TRDN: variants seen among roughly 807,000 people sequenced by gnomAD.
TRDN encodes triadin in skeletal muscle.
TRDN carries 161 observed loss-of-function variants against 149.7 expected under a neutral mutation model. That is an observed-to-expected ratio of 1.08 (90% CI 0.95 to 1.23). The LOEUF (loss-of-function observed/expected upper bound fraction) is 1.23, where lower values mean the gene tolerates loss of function less well. TRDN is among the 50% of genes most tolerant of loss of function. The probability of loss-of-function intolerance (pLI) is 0.00; values close to 1 mark genes in which losing one functional copy is unlikely to be tolerated. For missense variants in TRDN, 896 were observed against 823.5 expected, an observed-to-expected ratio of 1.09 and a Z score of -1.08; for synonymous variants, 294 against 250.5, an observed-to-expected ratio of 1.17 and a Z score of -1.64.
intron 12 of TRDN, among the ~76,000 whole-genome samples, chr6:123,420,458 G>A (rs531884516): frequency 3.3e-4 from 50 of 152,188 alleles, no homozygotes; most frequent in African/African-American, 1.1e-3. Context: ...TTTGAATTCA[G>A]TGAAGGTCAG....
intron 2 of TRDN, among the ~76,000 whole-genome samples, chr6:123,557,418 G>A (rs1201343331): frequency 6.6e-6 from 1 of 152,076 alleles, no homozygotes; most frequent in African/African-American, 2.4e-5. Flanking sequence ...CGGGTAAGCA[G>A]CCTCTTTCTA....
chr6:123,375,678 C>T, intron 18 of TRDN, 47 bp from the exon 19 acceptor site: 2 of 1,372,414 alleles, frequency 1.5e-6, no homozygotes, highest in South Asian at 2.8e-5. Context: ...TACAAATCTG[C>T]TTATCTCTTT....
chr6:123,442,369 C>G (rs1238927449), intron 10 of TRDN: 2 of 143,640 alleles, frequency 1.4e-5, no homozygotes, highest in Non-Finnish European at 1.5e-5. Context: ...CGGTGAAACC[C>G]CGTCTCTACT....
intron 38 of TRDN, among the ~76,000 whole-genome samples, chr6:123,224,940 A>G (rs1775300596): frequency 6.6e-6 from 1 of 151,838 alleles, no homozygotes; most frequent in Non-Finnish European, 1.5e-5. Flanking sequence ...ACAGCAAAGG[A>G]AACAATGAAC....
At chr6:123,425,270 T>TGG (rs1774074946) in intron 12 of TRDN, among the ~76,000 whole-genome samples, 1 of 150,032 alleles carries the variant, frequency 6.7e-6, no homozygotes, top group Admixed American at 6.7e-5. Context: ...TGTGTGTGTG[T>TGG]GTGTGTGTAT....
chr6:123,601,705 T>A (rs369722303), intron 1 of TRDN, among the ~76,000 whole-genome samples: 3 of 152,146 alleles, frequency 2.0e-5, no homozygotes, highest in South Asian at 2.1e-4. Context: ...GCAATCCCAG[T>A]TTTGATCTAC....
At chr6:123,287,081 G>A (rs749564997) in intron 24 of TRDN, among the ~76,000 whole-genome samples, 1 of 152,122 alleles carries the variant, frequency 6.6e-6, no homozygotes, top group Admixed American at 6.6e-5. Context: ...CAACAGATAA[G>A]AAGCACAGAA....
intron 1 of TRDN, among the ~76,000 whole-genome samples, chr6:123,627,219 G>A (rs1341951552): frequency 1.3e-5 from 2 of 151,984 alleles, no homozygotes; most frequent in Non-Finnish European, 2.9e-5. Context: ...ATGAGCCACC[G>A]AGCCTGGCCC....
At chr6:123,364,760 C>T (rs1474588986) in intron 20 of TRDN, among the ~76,000 whole-genome samples, 3 of 152,194 alleles carry the variant, frequency 2.0e-5, no homozygotes, top group African/African-American at 7.2e-5. Context: ...GTTGGCCACA[C>T]TTTTGTCCTT....
At position 123,218,311 on chromosome 6, in the gene TRDN, A is replaced by G. The variant is rs1308298982; in HGVS notation, c.*290T>C. 4.6e-6 allele frequency: 1 copy of G among 218,956 alleles called. No individual in the cohort carries two copies. Among genetic ancestry groups the G allele is most frequent in the East Asian group, 9.7e-5 (1 of 10,278 alleles). 13.6% of individuals were successfully genotyped at this position (218,956 alleles called of 1,614,324 possible). The stretch of plus-strand genomic sequence containing the variant: ...TTTTAAAGATACCATTATTAAGTAA[A>G]CTTTAAATTAGTTTGTGTACAACCT... On this transcript the variant is annotated 3_prime_UTR_variant, in exon 41 of 41. Coordinates refer to ENST00000334268, the MANE Select transcript of TRDN (RefSeq NM_006073.4).
chr6:123,416,688 T>C (rs1162731269), intron 12 of TRDN, among the ~76,000 whole-genome samples: 2 of 149,248 alleles, frequency 1.3e-5, no homozygotes, highest in Non-Finnish European at 1.5e-5. Flanking sequence ...GTCACCATTA[T>C]TCTTTTCCTC....
chr6:123,362,374 T>G (rs1426914402), intron 20 of TRDN, among the ~76,000 whole-genome samples: 2 of 152,170 alleles, frequency 1.3e-5, no homozygotes, highest in East Asian at 3.8e-4. Flanking sequence ...TTACAATTTT[T>G]CATCACCTCC....
intron 18 of TRDN, 149 bp downstream of exon 18, chr6:123,377,567 A>T: frequency 1.2e-6 from 1 of 845,588 alleles, no homozygotes; most frequent in East Asian, 2.5e-5. Context: ...CATTGATGTT[A>T]TGTCCATGTC....
At chr6:123,231,572 C>T (rs897483498) in intron 38 of TRDN, among the ~76,000 whole-genome samples, 13 of 151,808 alleles carry the variant, frequency 8.6e-5, no homozygotes, top group African/African-American at 2.9e-4. Flanking sequence ...TAGTTTATAC[C>T]TGGATTATAG....
intron 1 of TRDN, among the ~76,000 whole-genome samples, chr6:123,575,854 A>G (rs1195476814): frequency 6.6e-6 from 1 of 152,134 alleles, no homozygotes; most frequent in African/African-American, 2.4e-5. Flanking sequence ...GTGCACTTCC[A>G]TATTATTATT....
intron 21 of TRDN, among the ~76,000 whole-genome samples, chr6:123,346,530 G>T (rs1169051412): frequency 2.0e-5 from 3 of 151,852 alleles, no homozygotes; most frequent in Non-Finnish European, 4.4e-5. Flanking sequence ...AAAGGGTTTG[G>T]TTGGAGTAAA....
chr6:123,373,909 G>C (rs1293178861), intron 19 of TRDN, among the ~76,000 whole-genome samples: 1 of 152,006 alleles, frequency 6.6e-6, no homozygotes, highest in African/African-American at 2.4e-5. Flanking sequence ...TTCATTTTAG[G>C]CATTAACTTT....
At chr6:123,556,453 G>T (rs558373319) in intron 2 of TRDN, among the ~76,000 whole-genome samples, 3 of 152,140 alleles carry the variant, frequency 2.0e-5, no homozygotes, top group Non-Finnish European at 4.4e-5. Context: ...TAAAAGTTGG[G>T]TTAATAAAAT....
chr6:123,347,855 G>A (rs1319463378), intron 21 of TRDN, among the ~76,000 whole-genome samples: 2 of 152,068 alleles, frequency 1.3e-5, no homozygotes, highest in Non-Finnish European at 2.9e-5. Flanking sequence ...ATGATTGATA[G>A]AGCTAAACTA....
Sources: gnomAD v4.1 joint callset for allele counts (sites outside exome capture counted in the v4.1 genomes callset) on GRCh38, gnomAD v4.1.1 for gene constraint, MANE v1.5 for transcripts, NCBI Gene and HGNC (gene_info 2026-07-23, HGNC 2026-07-21) for gene names.